Variants in RYR3 observed in about 807,000 individuals in gnomAD.
RYR3 encodes the protein brain ryanodine receptor-calcium release channel.
In RYR3, 207 loss-of-function variants were observed where a neutral mutation model predicts 584.3. That is an observed-to-expected ratio of 0.35 (90% CI 0.32 to 0.40). The LOEUF is 0.40. RYR3 is among the 10% of genes least tolerant of loss of function. The pLI is 1.00. For synonymous variants in RYR3, 2,416 were observed against 2,248.5 expected, an observed-to-expected ratio of 1.07 and a Z score of -2.11; for missense variants, 5,616 against 6,089.2, an observed-to-expected ratio of 0.92 and a Z score of 2.59.
At chr15:33,527,985 G>T (rs1338452297) in intron 3 of RYR3, among the ~76,000 whole-genome samples, 1 of 152,142 alleles carries the variant, frequency 6.6e-6, no homozygotes, top group Non-Finnish European at 1.5e-5. Flanking sequence ...TAATGGGGGA[G>T]TATGAGAAGA....
At chr15:33,686,447 CA>C (rs532509524) in intron 38 of RYR3, among the ~76,000 whole-genome samples, 61 of 152,114 alleles carry the variant, frequency 4.0e-4, no homozygotes, top group Non-Finnish European at 6.2e-4. Context: ...GCCTACCAAC[CA>C]AAAAAAGTCC....
intron 5 of RYR3, 58 bp downstream of exon 5, chr15:33,533,447 T>C: frequency 8.2e-7 from 1 of 1,217,382 alleles, no homozygotes; most frequent in Non-Finnish European, 1.2e-6. Flanking sequence ...TAAGGGGCTT[T>C]TGAGAAGGAC....
At chr15:33,837,033 T>A in intron 88 of RYR3, 46 bp downstream of exon 88, 1 of 1,423,924 alleles carries the variant, frequency 7.0e-7, no homozygotes, top group Non-Finnish European at 9.9e-7. Context: ...CTGTAATTGG[T>A]CTGAGCACTA....
At position 33,390,526 on chromosome 15, in the gene RYR3, G is replaced by T. The variant is rs141695505; in HGVS notation, c.51+79430G>T. Among the ~76,000 whole-genome samples the T allele has an allele frequency of 0.026, 4,030 of 152,224 alleles. 70 individuals are homozygous for T. The highest frequency in any genetic ancestry group is 0.042 in the Non-Finnish European group (2,828 of 68,014). On this transcript the variant is annotated intron_variant, in intron 1 of 103. Coordinates refer to ENST00000634891, the MANE Select transcript of RYR3 (RefSeq NM_001036.6). This position sits in a 1 kb window ranked among gnomAD's most constrained non-coding sequence, Gnocchi z 4.2. ...GAAAGTTCGACGCATTTGTTTTCAC[G>T]ACTTCTTCTTCAGGGGGTGATAGGT... is the stretch of plus-strand genomic sequence containing the variant.
chr15:33,647,330 G>C, intron 29 of RYR3, 94 bp from the exon 30 acceptor site: 1 of 967,958 alleles, frequency 1.0e-6, no homozygotes, highest in Non-Finnish European at 1.6e-6. Flanking sequence ...TCCTAAACTT[G>C]ACTTGATCAT....
chr15:33,699,445 A>G (rs906676429), intron 40 of RYR3, among the ~76,000 whole-genome samples: 1 of 151,968 alleles, frequency 6.6e-6, no homozygotes, highest in African/African-American at 2.4e-5. Context: ...ACTTGGAAAC[A>G]ATAGCCTGGT....
intron 76 of RYR3, among the ~76,000 whole-genome samples, 177 bp downstream of exon 76, chr15:33,818,861 C>T (rs539834965): frequency 2.0e-5 from 3 of 152,314 alleles, no homozygotes; most frequent in Admixed American, 6.5e-5. Context: ...TGGTGGCTCA[C>T]GCCTGTAATC....
chr15:33,416,763 C>G (rs1001278573), intron 1 of RYR3, among the ~76,000 whole-genome samples: 5 of 152,034 alleles, frequency 3.3e-5, no homozygotes, highest in African/African-American at 1.2e-4. Context: ...ACTTTTTTGC[C>G]TAGGCCAATG....
chr15:33,653,077 G>A (rs562423629), intron 32 of RYR3, among the ~76,000 whole-genome samples, 194 bp downstream of exon 32: 63 of 152,290 alleles, frequency 4.1e-4, no homozygotes, highest in Non-Finnish European at 6.3e-4. Context: ...AAAAGGCTGG[G>A]CAATCATAGT....
intron 7 of RYR3, among the ~76,000 whole-genome samples, chr15:33,541,965 A>AT (rs996723353): frequency 6.6e-6 from 1 of 152,038 alleles, no homozygotes; most frequent in African/African-American, 2.4e-5. Flanking sequence ...TCCATGTTAA[A>AT]TTTTTTATTT....
At chr15:33,630,177 T>C in intron 22 of RYR3, 134 bp downstream of exon 22, 55 of 547,138 alleles carry the variant, frequency 1.0e-4, no homozygotes, top group East Asian at 1.6e-4. Context: ...TGATGATGAA[T>C]CATGTCACAA....
At chr15:33,320,786 CAATA>C (rs2140523997) in intron 1 of RYR3, among the ~76,000 whole-genome samples, 1 of 152,262 alleles carries the variant, frequency 6.6e-6, no homozygotes, top group African/African-American at 2.4e-5. Flanking sequence ...AGTAAATCCT[CAATA>C]AATATTATTT....
rs1278028525 is a variant in RYR3 at position 33,580,036 on chromosome 15, A to G, written c.1329A>G (p.Leu443=). 2 of 1,612,854 alleles carry G rather than the reference A, an allele frequency of 1.2e-6. No individual in the cohort carries two copies. The highest frequency in any genetic ancestry group is 1.7e-5 in the Admixed American group (1 of 60,004). Residue 443 remains leucine, a synonymous_variant, in exon 13 of 104, where the codon CTA becomes CTG. Coordinates refer to ENST00000634891, the MANE Select transcript of RYR3 (RefSeq NM_001036.6). ...TLPIEEVLQT[L]QDLIAYFQPP... ...CTATAGAAGAAGTCCTGCAGACCCTACAGGACTTGATCGCCTACTTCCAGC... is the reference window on the plus strand; with the variant it reads ...CTATAGAAGAAGTCCTGCAGACCCTGCAGGACTTGATCGCCTACTTCCAGC...
At chr15:33,693,017 T>C (rs1288354606) in intron 38 of RYR3, among the ~76,000 whole-genome samples, 2 of 152,204 alleles carry the variant, frequency 1.3e-5, no homozygotes, top group East Asian at 3.9e-4. Flanking sequence ...TTTTCCAGTG[T>C]GGCAGGGACT....
rs560894088 is a variant in RYR3 at position 33,489,843 on chromosome 15, C to T, written c.172-13788C>T. On this transcript the variant is annotated intron_variant, in intron 2 of 103. Transcript: ENST00000634891. ...ACGGTGTGTAAGTATTCCTCTTTCTCTGCACCCTCACCAGCATCTGTTGTT... is the reference window on the plus strand; with the variant it reads ...ACGGTGTGTAAGTATTCCTCTTTCTTTGCACCCTCACCAGCATCTGTTGTT... Among the ~76,000 whole-genome samples, 509 of 152,316 alleles carry T rather than the reference C, an allele frequency of 3.3e-3. 4 individuals carry two copies. Among genetic ancestry groups the T allele is most frequent in the African/African-American group, 0.012 (483 of 41,572 alleles).
intron 19 of RYR3, among the ~76,000 whole-genome samples, chr15:33,618,835 G>T (rs1301872643): frequency 6.6e-6 from 1 of 152,150 alleles, no homozygotes; most frequent in African/African-American, 2.4e-5. Flanking sequence ...GCTTTGTCAT[G>T]ATTTTTACTA....
intron 14 of RYR3, among the ~76,000 whole-genome samples, chr15:33,582,593 C>G (rs970667775): frequency 1.3e-5 from 2 of 152,160 alleles, no homozygotes; most frequent in South Asian, 2.1e-4. Flanking sequence ...CAGAGCAACA[C>G]TTTAAGGGTC....
intron 67 of RYR3, among the ~76,000 whole-genome samples, chr15:33,790,350 G>T (rs2075080736): frequency 6.6e-6 from 1 of 152,038 alleles, no homozygotes; most frequent in Non-Finnish European, 1.5e-5. Context: ...GGTGGCTGAG[G>T]CCAAGATGGT....
Position 33,360,229 on chromosome 15 carries a change from G to A in RYR3, c.51+49133G>A, listed in dbSNP as rs552699739. ...GACCTGTATAATCACTCTTACAGTC[G>A]TGAGATAGGACAGTTTCCCCCACCC... On this transcript the variant is annotated intron_variant, in intron 1 of 103. Coordinates refer to ENST00000634891, the MANE Select transcript of RYR3 (RefSeq NM_001036.6). Among the ~76,000 whole-genome samples the A allele has an allele frequency of 5.3e-5, 8 of 152,040 alleles. No individual in the cohort carries two copies. In the East Asian group the frequency reaches 9.6e-4, roughly 18 times the overall value.
Sources: gnomAD v4.1 joint callset for allele counts (sites outside exome capture counted in the v4.1 genomes callset) on GRCh38, gnomAD v4.1.1 for gene constraint, Gnocchi (gnomAD v3.1) non-coding constraint, MANE v1.5 for transcripts, NCBI Gene and HGNC (gene_info 2026-07-23, HGNC 2026-07-21) for gene names.